The following GRID1 variants were observed in gnomAD, a reference collection of about 807,000 sequenced individuals.
GRID1 encodes glutamate receptor ionotropic, delta-1.
In GRID1, 28 loss-of-function variants were observed where a neutral mutation model predicts 98.0. The ratio of observed to expected loss-of-function variants is 0.29; its 90% CI spans 0.21 to 0.39. The LOEUF is 0.39. GRID1 is among the 10% of genes least tolerant of loss of function. GRID1 has a pLI of 1.00. For missense variants in GRID1, 1,111 were observed against 1,340.5 expected, an observed-to-expected ratio of 0.83 and a Z score of 2.67; for synonymous variants, 553 against 538.5, an observed-to-expected ratio of 1.03 and a Z score of -0.37.
intron 2 of GRID1, among the ~76,000 whole-genome samples, chr10:86,251,219 C>A (rs1387924491): frequency 6.6e-6 from 1 of 152,012 alleles, no homozygotes; most frequent in African/African-American, 2.4e-5. Flanking sequence ...AGGAAGGCGG[C>A]AGGGCCCTCT....
rs2292311 is a variant in GRID1 at position 85,620,103 on chromosome 10, T to C, written c.2194-70A>G. On this transcript the variant is annotated intron_variant, in intron 13 of 15. Transcript: ENST00000327946. ...TGTGTCAGCTTTGATTGGTGAGCCA[T>C]CTTGATGGTGGGATTTGAGGGACCC... 5,262 of 1,338,658 alleles carry C rather than the reference T, an allele frequency of 3.9e-3. 124 individuals are homozygous for C. The East Asian group carries it at 0.045, about 11-fold the overall frequency. 82.9% of individuals were successfully genotyped at this position (1,338,658 alleles called of 1,614,324 possible).
At chr10:85,606,877 G>A (rs890392686) in intron 15 of GRID1, 1 of 152,106 alleles carries the variant, frequency 6.6e-6, no homozygotes, top group South Asian at 2.1e-4. Context: ...AACTACATCC[G>A]TTTACATCCT....
At chr10:86,127,184 T>C (rs75390929) in intron 4 of GRID1, among the ~76,000 whole-genome samples, 3,908 of 152,036 alleles carry the variant, frequency 0.026, 178 homozygotes, top group African/African-American at 0.089. Flanking sequence ...TCTTCCTGAG[T>C]GTATGTTTTC....
rs552098187 is a variant in GRID1, at chr10:85,883,025, C to CAT, written c.781-13846_781-13845insAT. Among the ~76,000 whole-genome samples, 524 of 152,080 alleles carry CAT rather than the reference C, an allele frequency of 3.4e-3. 1 individual carries two copies. Among genetic ancestry groups the CAT allele is most frequent in the African/African-American group, 0.012 (511 of 41,514 alleles). Reference sequence around the variant, plus strand: ...AACATTGTTTATTATTTTTTCTTCTCCATTATGTCATATTTCGTTTTAGAA... The same window carrying CAT: ...AACATTGTTTATTATTTTTTCTTCTCATCATTATGTCATATTTCGTTTTAGAA... On this transcript the variant is annotated intron_variant, in intron 5 of 15. Transcript: ENST00000327946.
At chr10:85,814,755 C>T (rs1273679457) in intron 8 of GRID1, among the ~76,000 whole-genome samples, 1 of 151,518 alleles carries the variant, frequency 6.6e-6, no homozygotes, top group Non-Finnish European at 1.5e-5. Context: ...ATGAGATAAC[C>T]CTCATATCTA....
At chr10:85,961,532 C>T (rs1322790782) in intron 4 of GRID1, among the ~76,000 whole-genome samples, 1 of 152,000 alleles carries the variant, frequency 6.6e-6, no homozygotes, top group Non-Finnish European at 1.5e-5. Flanking sequence ...GCCTTTCTTC[C>T]TTCCTCCCTT....
intron 3 of GRID1, among the ~76,000 whole-genome samples, chr10:86,154,716 A>C (rs1845219861): frequency 6.6e-6 from 1 of 152,226 alleles, no homozygotes; most frequent in Non-Finnish European, 1.5e-5. Flanking sequence ...CAGGAGTAGA[A>C]GCTCGAGTCC....
At chr10:86,269,421 T>A (rs1847152088) in intron 2 of GRID1, among the ~76,000 whole-genome samples, 1 of 152,208 alleles carries the variant, frequency 6.6e-6, no homozygotes, top group Admixed American at 6.5e-5. Flanking sequence ...ATACTCCAAG[T>A]TATGCACCCA....
chr10:86,174,767 T>A (rs1347407518), intron 3 of GRID1, among the ~76,000 whole-genome samples: 1 of 149,944 alleles, frequency 6.7e-6, no homozygotes, highest in Admixed American at 6.6e-5. Flanking sequence ...ATATCCAGAA[T>A]CTACAATGAA....
At chr10:86,158,609 A>G (rs569479344) in intron 3 of GRID1, among the ~76,000 whole-genome samples, 2 of 152,344 alleles carry the variant, frequency 1.3e-5, no homozygotes, top group African/African-American at 4.8e-5. Context: ...GAAATTATTC[A>G]AAGAGGCAAT....
chr10:85,905,761 T>C (rs998907723), intron 5 of GRID1, among the ~76,000 whole-genome samples: 3 of 152,106 alleles, frequency 2.0e-5, no homozygotes, highest in Non-Finnish European at 4.4e-5. Flanking sequence ...AAAAGAGTTA[T>C]AGCTCATAAG....
intron 4 of GRID1, among the ~76,000 whole-genome samples, chr10:85,989,038 C>T (rs915459308): frequency 7.2e-5 from 11 of 152,108 alleles, no homozygotes; most frequent in Non-Finnish European, 1.5e-4. Flanking sequence ...ACAGGAGAGG[C>T]GGATTACGCA....
chr10:86,285,203 G>A (rs1847413712), intron 2 of GRID1, among the ~76,000 whole-genome samples: 2 of 151,668 alleles, frequency 1.3e-5, no homozygotes, highest in South Asian at 4.2e-4. Flanking sequence ...CACAGCCTAT[G>A]AGGCCCTGCT....
Position 85,669,532 on chromosome 10 carries a change from C to T in GRID1, c.1998-22135G>A, listed in dbSNP as rs997332181. Among the ~76,000 whole-genome samples, 3 of 152,146 alleles carry T rather than the reference C, an allele frequency of 2.0e-5. No homozygotes were observed. The South Asian group carries it at 6.2e-4, about 32-fold the overall frequency. On this transcript the variant is annotated intron_variant, in intron 12 of 15. Coordinates refer to ENST00000327946, the MANE Select transcript of GRID1 (RefSeq NM_017551.3). ...CACACTTTCTGAAGCCCCTGGCTTC[C>T]TCCTCCATACCCACACCCTCACCCT... is the stretch of plus-strand genomic sequence containing the variant.
intron 4 of GRID1, among the ~76,000 whole-genome samples, chr10:86,054,714 CA>C (rs1174272255): frequency 5.3e-5 from 8 of 152,202 alleles, no homozygotes; most frequent in Non-Finnish European, 1.0e-4. Context: ...TATAAGAACA[CA>C]ATCTTATTTA....
chr10:85,869,527 C>G (rs1413526761), intron 5 of GRID1, among the ~76,000 whole-genome samples: 1 of 152,186 alleles, frequency 6.6e-6, no homozygotes, highest in Non-Finnish European at 1.5e-5. Flanking sequence ...TTTTGGGAGT[C>G]ACCTACCTGA....
intron 12 of GRID1, among the ~76,000 whole-genome samples, chr10:85,691,386 T>C (rs1250604906): frequency 6.6e-6 from 1 of 152,220 alleles, no homozygotes; most frequent in East Asian, 1.9e-4. Flanking sequence ...TGTTTTGTTT[T>C]ATTATTCTGT....
chr10:85,665,796 G>A (rs993934089), intron 12 of GRID1, among the ~76,000 whole-genome samples: 2 of 152,148 alleles, frequency 1.3e-5, no homozygotes, highest in African/African-American at 4.8e-5. Context: ...CCAGCACACG[G>A]GAGTGTATTA....
chr10:85,891,629 A>T (rs576440002), intron 5 of GRID1, among the ~76,000 whole-genome samples: 4 of 152,332 alleles, frequency 2.6e-5, no homozygotes, highest in African/African-American at 9.6e-5. Context: ...TGAAAGGAGC[A>T]GGTGCAGCAA....
Sources: allele counts gnomAD v4.1 joint callset (sites outside exome capture counted in the v4.1 genomes callset), GRCh38; gene constraint gnomAD v4.1.1; transcripts MANE v1.5; gene names NCBI Gene and HGNC (gene_info 2026-07-23, HGNC 2026-07-21).